FOXP2: variants seen among roughly 807,000 people sequenced by gnomAD.
FOXP2 encodes forkhead box protein P2.
A neutral mutation model predicts 115.8 loss-of-function variants in FOXP2; 12 were observed. That is an observed-to-expected ratio of 0.10 (90% CI 0.07 to 0.17). FOXP2 has a LOEUF of 0.17. FOXP2 is among the 10% of genes least tolerant of loss of function. FOXP2 has a pLI of 1.00. For missense variants in FOXP2, 629 were observed against 843.5 expected, an observed-to-expected ratio of 0.75 and a Z score of 3.15; for synonymous variants, 328 against 297.7, an observed-to-expected ratio of 1.10 and a Z score of -1.05.
intron 1 of FOXP2, among the ~76,000 whole-genome samples, chr7:114,258,421 T>C (rs1438118076): frequency 6.6e-6 from 1 of 152,146 alleles, no homozygotes; most frequent in African/African-American, 2.4e-5. Context: ...AATAGTATTA[T>C]AGGATCACCT....
chr7:114,314,823 T>C (rs1029662441), intron 2 of FOXP2, among the ~76,000 whole-genome samples: 4 of 152,212 alleles, frequency 2.6e-5, no homozygotes, highest in African/African-American at 9.6e-5. Context: ...TATCAACAGC[T>C]GTGTGTTTTG....
At chr7:114,545,266 C>T (rs1799859245) in intron 3 of FOXP2, among the ~76,000 whole-genome samples, 1 of 152,178 alleles carries the variant, frequency 6.6e-6, no homozygotes, top group Non-Finnish European at 1.5e-5. Flanking sequence ...CAGGTTACTT[C>T]CAGATGCAAC....
At chr7:114,369,730 C>T (rs1791959585) in intron 2 of FOXP2, among the ~76,000 whole-genome samples, 1 of 152,042 alleles carries the variant, frequency 6.6e-6, no homozygotes, top group Non-Finnish European at 1.5e-5. Context: ...TTTGTTTAAG[C>T]CCCTATCAAC....
intron 2 of FOXP2, among the ~76,000 whole-genome samples, chr7:114,322,717 T>C (rs566600306): frequency 6.6e-6 from 1 of 152,284 alleles, no homozygotes; most frequent in South Asian, 2.1e-4. Context: ...TCTAAAAAAA[T>C]GTGGTACTTT....
At chr7:114,518,784 G>T (rs565485978) in intron 2 of FOXP2, among the ~76,000 whole-genome samples, 42 of 152,260 alleles carry the variant, frequency 2.8e-4, no homozygotes, top group Admixed American at 2.7e-3. Flanking sequence ...GGGATTATGG[G>T]CATGAGCCAC....
chr7:114,331,910 A>G (rs2129183048), intron 2 of FOXP2, among the ~76,000 whole-genome samples: 1 of 152,128 alleles, frequency 6.6e-6, no homozygotes, highest in South Asian at 2.1e-4. Context: ...GCCTCCCAAA[A>G]TGCTAGGATT....
intron 3 of FOXP2, among the ~76,000 whole-genome samples, chr7:114,565,871 A>G (rs1800996358): frequency 6.6e-6 from 1 of 152,208 alleles, no homozygotes; most frequent in Admixed American, 6.5e-5. Flanking sequence ...GACTCCAAAC[A>G]AGAGAACAAC....
chr7:114,604,188 T>A (rs1385312492), intron 3 of FOXP2, among the ~76,000 whole-genome samples: 3 of 152,144 alleles, frequency 2.0e-5, no homozygotes, highest in Non-Finnish European at 4.4e-5. Flanking sequence ...TTGCAGATGG[T>A]AAGCTTAGTG....
chr7:114,331,317 C>T (rs959742160), intron 2 of FOXP2, among the ~76,000 whole-genome samples: 1 of 152,056 alleles, frequency 6.6e-6, no homozygotes, highest in Non-Finnish European at 1.5e-5. Context: ...GGACAAAAGT[C>T]TCAGGTTAAT....
upstream of FOXP2, among the ~76,000 whole-genome samples, chr7:114,158,344 T>G (rs1427996349): frequency 6.6e-6 from 1 of 151,978 alleles, no homozygotes; most frequent in Non-Finnish European, 1.5e-5. Context: ...AGCTTGCAAG[T>G]ATTATTTGTT....
intron 1 of FOXP2, among the ~76,000 whole-genome samples, chr7:114,103,999 T>C (rs1791052796): frequency 2.0e-5 from 3 of 151,950 alleles, no homozygotes; most frequent in Non-Finnish European, 4.4e-5. Flanking sequence ...ATACTGAATT[T>C]CTTTGTGAAG....
At chr7:114,456,405 C>T (rs1320061009) in intron 2 of FOXP2, among the ~76,000 whole-genome samples, 1 of 152,312 alleles carries the variant, frequency 6.6e-6, no homozygotes, top group Middle Eastern at 3.4e-3. Flanking sequence ...TAAAACTCTA[C>T]TCTGACCCTT....
At chr7:114,580,672 A>G (rs1164030330) in intron 3 of FOXP2, among the ~76,000 whole-genome samples, 1 of 152,212 alleles carries the variant, frequency 6.6e-6, no homozygotes, top group Non-Finnish European at 1.5e-5. Flanking sequence ...GACAATTAGA[A>G]AAACAAGAAA....
At chr7:114,490,695 C>T (rs1256345975) in intron 2 of FOXP2, among the ~76,000 whole-genome samples, 5 of 152,044 alleles carry the variant, frequency 3.3e-5, no homozygotes, top group African/African-American at 1.2e-4. Context: ...GTGATGTTCC[C>T]CTTCTTGTGT....
chr7:114,364,483 G>A (rs1352138096), intron 2 of FOXP2, among the ~76,000 whole-genome samples: 1 of 152,032 alleles, frequency 6.6e-6, no homozygotes, highest in Non-Finnish European at 1.5e-5. Flanking sequence ...CCTTCCTAAT[G>A]GACAACACAT....
chr7:114,490,895 C>G (rs976236269), intron 2 of FOXP2, among the ~76,000 whole-genome samples: 3 of 152,118 alleles, frequency 2.0e-5, no homozygotes, highest in Non-Finnish European at 4.4e-5. Flanking sequence ...TTTCTTAATC[C>G]AGTCTATCAT....
rs193015657 is a variant in FOXP2 at position 114,538,898 on chromosome 7, C to T, written c.258+4192C>T. Among the ~76,000 whole-genome samples, 37 of 151,800 alleles carry T rather than the reference C, an allele frequency of 2.4e-4. No homozygotes were observed. In the East Asian group the frequency reaches 3.1e-3, roughly 13 times the overall value. ...AGCCCATATGTATGGAAAACCATTG[C>T]GCAAATATAATTCTGTATATCTGAG... On this transcript the variant is annotated intron_variant, in intron 3 of 16. Transcript: ENST00000350908.
chr7:114,327,614 G>C (rs1797591720), intron 2 of FOXP2, among the ~76,000 whole-genome samples: 1 of 151,274 alleles, frequency 6.6e-6, no homozygotes, highest in South Asian at 2.1e-4. Flanking sequence ...CGATTCTCCT[G>C]CCTCAGCCTC....
intron 2 of FOXP2, among the ~76,000 whole-genome samples, chr7:114,461,631 A>G (rs754571763): frequency 4.7e-4 from 72 of 152,188 alleles, no homozygotes; most frequent in African/African-American, 1.6e-3. Context: ...TCTTTCTGAA[A>G]TTTAAAGTTC....
Sources: allele counts gnomAD v4.1 joint callset (sites outside exome capture counted in the v4.1 genomes callset), GRCh38; gene constraint gnomAD v4.1.1; transcripts MANE v1.5; gene names NCBI Gene and HGNC (gene_info 2026-07-23, HGNC 2026-07-21).